Variants in MED17 observed in about 807,000 individuals in gnomAD.
The protein encoded by MED17 is mediator complex subunit 17, also known as mediator of RNA polymerase II transcription subunit 17.
A neutral mutation model predicts 80.8 loss-of-function variants in MED17; 49 were observed. The observed-to-expected ratio is 0.61, with a 90% CI of 0.48 to 0.77. The LOEUF is 0.77. Among genes scored for constraint, MED17 ranks in the 30% least tolerant of loss-of-function variants. The pLI is 0.00. For missense variants in MED17, 718 were observed against 787.0 expected, an observed-to-expected ratio of 0.91 and a Z score of 1.05; for synonymous variants, 281 against 280.4, an observed-to-expected ratio of 1.00 and a Z score of -0.02.
At chr11:93,809,571 A>G (rs2135722867) in intron 10 of MED17, 146 bp from the exon 11 acceptor site, 1 of 813,196 alleles carries the variant, frequency 1.2e-6, no homozygotes, top group East Asian at 2.5e-5. Context: ...CCCCTAAGTT[A>G]CGCACAGGAG....
In MED17 at chr11:93,790,745, C is replaced by T. The variant is rs746738191; in HGVS notation, c.589C>T (p.Arg197Ter). 1.2e-6 allele frequency: 2 copies of T among 1,614,114 alleles called. No individual in the cohort carries two copies. The highest frequency in any genetic ancestry group is 1.1e-5 in the South Asian group (1 of 91,074). The change falls in exon 3 of 12, where the codon CGA (arginine) becomes TGA (stop). Residue 197 changes from arginine (R) to a stop codon, truncating the protein, a stop_gained. Coordinates refer to ENST00000251871, the MANE Select transcript of MED17 (RefSeq NM_004268.5). LOFTEE classifies it high-confidence loss of function. ...GCGATTACGGCAACACTGGAAACTT[C>T]GAAAAGTTGGAGATAAAATTCTCGG... Reference protein sequence around the residue: ...LLRLRQHWKLRKVGDKILGDL... With the variant: ...LLRLRQHWKL
At position 93,795,790 on chromosome 11, in the gene MED17, C is replaced by T. The variant is rs190599678; in HGVS notation, c.1013-620C>T. On this transcript the variant is annotated intron_variant, in intron 6 of 11. Transcript: ENST00000251871. ...AGCAGGGAAGACTAACTGTCTTTTA[C>T]GCAGTAAGACTGCCTACCTACTCTT... 7.1e-5 allele frequency: 11 copies of T among 154,514 alleles called. No homozygotes were observed. In the East Asian group the frequency reaches 1.3e-3, roughly 19 times the overall value. The allele number at this position is 154,514 out of a possible 1,614,324, so 9.6% of individuals were successfully genotyped here.
rs895649250 is a variant in MED17 at position 93,812,872 on chromosome 11, G to A, written c.*808G>A. On this transcript the variant is annotated 3_prime_UTR_variant, in exon 12 of 12. Coordinates refer to ENST00000251871, the MANE Select transcript of MED17 (RefSeq NM_004268.5). ...AGGAGGCAGATTATCTCTTTAGGGC[G>A]TCCTCAAGTTTTTTTGGTCTGTTCT... 11 of 152,180 alleles carry A rather than the reference G, an allele frequency of 7.2e-5. No individual in the cohort carries two copies. Among genetic ancestry groups the A allele is most frequent in the South Asian group, 2.1e-4 (1 of 4,820 alleles). The allele number at this position is 152,180 out of a possible 1,614,324, so 9.4% of individuals were successfully genotyped here. A position where few individuals can be genotyped will look rare whatever the true frequency, so the allele number is the denominator to read the frequency against.
intron 9 of MED17, chr11:93,807,232 T>C: frequency 3.0e-6 from 1 of 328,836 alleles, no homozygotes; most frequent in Non-Finnish European, 5.7e-6. Flanking sequence ...GCCAACATGG[T>C]GAAATTCCGT....
rs187483056 is a variant in MED17 at position 93,793,775 on chromosome 11, G to T, written c.685G>T (p.Asp229Tyr). The T allele has an allele frequency of 6.3e-7, 1 of 1,595,126 alleles. No individual in the cohort carries two copies. Among genetic ancestry groups the T allele is most frequent in the Non-Finnish European group, 8.6e-7 (1 of 1,163,550 alleles). ...TACATTTGAAGTAATAAAGAATACA[G>T]ATCTCGATCTGGATAAAAAGATACC... ...HGTFEVIKNT[D>Y]LDLDKKIPED... Residue 229 changes from aspartate (D) to tyrosine (Y), a missense_variant, in exon 4 of 12, where the codon GAT (aspartate) becomes TAT (tyrosine). By Grantham distance (160) the Asp-to-Tyr change is radical (BLOSUM62 -3). Coordinates refer to ENST00000251871, the MANE Select transcript of MED17 (RefSeq NM_004268.5).
chr11:93,803,658 C>G (rs976748021), intron 9 of MED17, among the ~76,000 whole-genome samples: 1 of 151,954 alleles, frequency 6.6e-6, no homozygotes, highest in African/African-American at 2.4e-5. Context: ...GCCTTTTGCC[C>G]TCCTACTGTT....
chr11:93,798,350 T>C (rs1474648612), intron 8 of MED17, among the ~76,000 whole-genome samples: 1 of 152,252 alleles, frequency 6.6e-6, no homozygotes, highest in Non-Finnish European at 1.5e-5. Flanking sequence ...AAGGGTGCTT[T>C]TCTATTTTAT....
intron 5 of MED17, chr11:93,794,253 A>G: frequency 4.9e-6 from 2 of 405,062 alleles, no homozygotes; most frequent in South Asian, 2.2e-5. Flanking sequence ...TGCCCAGGCT[A>G]GAGTGCAATG....
chr11:93,812,493 C>A lies in MED17; in HGVS notation c.*429C>A. Reference sequence around the variant, plus strand: ...TCACTCTGTAGCCCAGTCTGGAGTGCAGTGGTGTGATCATGGTTCACTGCA... The same window carrying A: ...TCACTCTGTAGCCCAGTCTGGAGTGAAGTGGTGTGATCATGGTTCACTGCA... On this transcript the variant is annotated 3_prime_UTR_variant, in exon 12 of 12. Coordinates refer to ENST00000251871, the MANE Select transcript of MED17 (RefSeq NM_004268.5). 1 of 289,228 alleles carries A rather than the reference C, an allele frequency of 3.5e-6. No homozygotes were observed. 17.9% of individuals were successfully genotyped at this position (289,228 alleles called of 1,614,324 possible). A position where few individuals can be genotyped will look rare whatever the true frequency, so the allele number is the denominator to read the frequency against.
chr11:93,799,470 C>T lies in MED17; in HGVS notation c.1328+1751C>T, dbSNP rs146150153. ...GGATTACAGGCGTGGGCCACCGTGC[C>T]TGGCCAGGAAGCCTTTTTAAAAAAA... On this transcript the variant is annotated intron_variant, in intron 8 of 11. Coordinates refer to ENST00000251871, the MANE Select transcript of MED17 (RefSeq NM_004268.5). Among the ~76,000 whole-genome samples, 835 of 152,306 alleles carry T rather than the reference C, an allele frequency of 5.5e-3. 10 individuals carry two copies. The highest frequency in any genetic ancestry group is 0.019 in the African/African-American group (796 of 41,562).
At position 93,794,705 on chromosome 11, in the gene MED17, C is replaced by A; in HGVS notation, c.860-203C>A. ...GAAAGATTGGGGTGGTGGGGAACTT[C>A]TCAATACCCTGCCGGGATGATTTGT... On this transcript the variant is annotated intron_variant, in intron 5 of 11. Transcript: ENST00000251871. The A allele has an allele frequency of 4.9e-6, 3 of 606,146 alleles. No individual in the cohort carries two copies. In the South Asian group the frequency reaches 6.1e-5, roughly 12 times the overall value. 37.5% of individuals were successfully genotyped at this position (606,146 alleles called of 1,614,324 possible). A position where few individuals can be genotyped will look rare whatever the true frequency, so the allele number is the denominator to read the frequency against.
chr11:93,788,052 A>G lies in MED17; in HGVS notation c.302A>G (p.Asn101Ser), dbSNP rs775443807. ...SLWPWDSVRN[N>S]LRSALTEMCV... Reference sequence around the variant, plus strand: ...TGGCCTTGGGACTCAGTGAGGAACAATTTGAGAAGTGCCCTGACAGAGATG... The same window carrying G: ...TGGCCTTGGGACTCAGTGAGGAACAGTTTGAGAAGTGCCCTGACAGAGATG... Residue 101 changes from asparagine to serine, a missense_variant, in exon 2 of 12, where the codon AAT becomes AGT. By Grantham distance (46) the Asn-to-Ser change is conservative. Transcript: ENST00000251871. 1.2e-5 allele frequency: 19 copies of G among 1,613,898 alleles called. No individual in the cohort carries two copies. In the Middle Eastern group the frequency reaches 1.2e-3, roughly 98 times the overall value.
chr11:93,795,064 A>T lies in MED17; in HGVS notation c.1012+4A>T. 6.2e-7 allele frequency: 1 copy of T among 1,614,150 alleles called. No individual in the cohort carries two copies. Among genetic ancestry groups the T allele is most frequent in the East Asian group, 2.2e-5 (1 of 44,870 alleles). On this transcript the variant is annotated splice_donor_region_variant and intron_variant, in intron 6 of 11. Coordinates refer to ENST00000251871, the MANE Select transcript of MED17 (RefSeq NM_004268.5). Reference sequence around the variant, plus strand: ...ATTATCTCTCAGCCCTTTCCGAGTAAGAGCAGCCCTTTTTCGACTTTATGA... The same window carrying T: ...ATTATCTCTCAGCCCTTTCCGAGTATGAGCAGCCCTTTTTCGACTTTATGA...
chr11:93,796,311 A>G, intron 6 of MED17, 99 bp from the exon 7 acceptor site: 1 of 1,145,688 alleles, frequency 8.7e-7, no homozygotes, highest in Non-Finnish European at 1.3e-6. Flanking sequence ...TTTAGAATAT[A>G]TCTTTTGAAA....
intron 10 of MED17, 119 bp downstream of exon 10, chr11:93,807,754 A>C (rs986689337): frequency 2.6e-6 from 2 of 760,136 alleles, no homozygotes; most frequent in Admixed American, 1.8e-5. Flanking sequence ...ATTTTTTTCC[A>C]GTAGAAATTA....
intron 1 of MED17, 50 bp from the exon 2 acceptor site, chr11:93,787,951 C>G: frequency 6.8e-7 from 1 of 1,476,268 alleles, no homozygotes; most frequent in Non-Finnish European, 9.5e-7. Flanking sequence ...GTCTGCCATT[C>G]AATGTAACGA....
At position 93,784,677 on chromosome 11, in the gene MED17, C is replaced by T; in HGVS notation, c.164C>T (p.Ser55Phe). 1 of 1,558,854 alleles carries T rather than the reference C, an allele frequency of 6.4e-7. No homozygotes were observed. The highest frequency in any genetic ancestry group is 8.7e-7 in the Non-Finnish European group (1 of 1,152,156). ...QRIDFSQGSG[S>F]EEEEAAGTEG... ...ATAGACTTCAGCCAGGGTTCGGGCTCCGAGGAGGAGGAGGCGGCGGGGACC... is the reference window on the plus strand; with the variant it reads ...ATAGACTTCAGCCAGGGTTCGGGCTTCGAGGAGGAGGAGGCGGCGGGGACC... The change falls in exon 1 of 12, where the codon TCC (serine) becomes TTC (phenylalanine). Residue 55 changes from serine (S) to phenylalanine (F), a missense_variant. Ser to Phe is a radical substitution (Grantham distance 155). Coordinates refer to ENST00000251871, the MANE Select transcript of MED17 (RefSeq NM_004268.5).
intron 3 of MED17, chr11:93,793,123 T>TTTTTTTTTTTTTTTTG: frequency 7.9e-6 from 1 of 126,658 alleles, no homozygotes; most frequent in Non-Finnish European, 1.7e-5. Flanking sequence ...TCTTTTTTTT[T>TTTTTTTTTTTTTTTTG]TTTTTTTTTT....
At chr11:93,793,112 C>CCCTTTTTTTTTTTTTT (rs1333532314) in intron 3 of MED17, 2 of 21,034 alleles carry the variant, frequency 9.5e-5, no homozygotes, top group Admixed American at 9.5e-4. Context: ...AGGAGTACAC[C>CCCTTTTTTTTTTTTTT]TCTTTTTTTT....
Sources: allele counts gnomAD v4.1 joint callset (sites outside exome capture counted in the v4.1 genomes callset), GRCh38; gene constraint gnomAD v4.1.1; transcripts MANE v1.5; gene names NCBI Gene and HGNC (gene_info 2026-07-23, HGNC 2026-07-21).